The following DMRTC2 variants were observed in gnomAD, a reference collection of about 807,000 sequenced individuals.
The protein encoded by DMRTC2 is doublesex- and mab-3-related transcription factor C2.
In DMRTC2, 13 loss-of-function variants were observed where a neutral mutation model predicts 39.9. That is an observed-to-expected ratio of 0.33 (90% CI 0.21 to 0.52). The LOEUF (loss-of-function observed/expected upper bound fraction) is 0.52. Ranked by LOEUF, DMRTC2 falls within the 20% of genes least tolerant of loss-of-function variation. The probability of loss-of-function intolerance (pLI) is 0.96; values close to 1 mark genes in which losing one functional copy is unlikely to be tolerated. For synonymous variants in DMRTC2, 189 were observed against 185.2 expected (o/e 1.02, Z -0.17); for missense variants, 431 against 472.8 (o/e 0.91, Z 0.82).
chr19:41,845,538 A>C (rs2073813884), intron 1 of DMRTC2: 1 of 152,486 alleles, frequency 6.6e-6, no homozygotes, highest in Non-Finnish European at 1.5e-5. Flanking sequence ...AAAGTGGGGC[A>C]GGTGGCGGGT....
chr19:41,846,871 A>AC (rs1218081949), intron 1 of DMRTC2, among the ~76,000 whole-genome samples: 7 of 120,552 alleles, frequency 5.8e-5, no homozygotes, highest in Non-Finnish European at 2.0e-5. Context: ...CCGGCCTAAA[A>AC]ATTTTTAAAT....
intron 7 of DMRTC2, 66 bp downstream of exon 7, chr19:41,850,438 G>A: frequency 6.4e-7 from 1 of 1,569,106 alleles, no homozygotes; most frequent in Non-Finnish European, 8.6e-7. Flanking sequence ...GAAAAAGCAG[G>A]AAACTGAAGG....
At chr19:41,848,589 C>G (rs2073903832) in intron 4 of DMRTC2, 61 bp downstream of exon 4, 5 of 1,381,224 alleles carry the variant, frequency 3.6e-6, no homozygotes, top group Non-Finnish European at 4.0e-6. Context: ...CAGACCCTTT[C>G]TTCTGTGCCC....
At chr19:41,850,885 G>A (rs904403477) in intron 8 of DMRTC2, 185 bp downstream of exon 8, 30 of 562,846 alleles carry the variant, frequency 5.3e-5, no homozygotes, top group Non-Finnish European at 8.1e-5. Flanking sequence ...CTTTTTATCA[G>A]TTTGGCACTC....
At chr19:41,845,991 A>G (rs6509001) in intron 1 of DMRTC2, among the ~76,000 whole-genome samples, 61,988 of 151,616 alleles carry the variant, frequency 0.41, 14,744 homozygotes, top group Middle Eastern at 0.57. Flanking sequence ...CAGCCTGGGC[A>G]ACAGAGCGAG....
Position 41,847,861 on chromosome 19 carries a change from C to A in DMRTC2, c.350C>A (p.Thr117Asn). 1 of 1,586,512 alleles carries A rather than the reference C, an allele frequency of 6.3e-7. No homozygotes were observed. Among genetic ancestry groups the A allele is most frequent in the Non-Finnish European group, 8.6e-7 (1 of 1,165,754 alleles). ...GCTCCCAACCACTTCAGAAAGGGAACCACTCAGCCACAGGTCCCCTGTGAG... is the reference window on the plus strand; with the variant it reads ...GCTCCCAACCACTTCAGAAAGGGAAACACTCAGCCACAGGTCCCCTGTGAG... ...PKAPNHFRKG[T>N]TQPQVPSGKE... The change falls in exon 3 of 9, where the codon ACC becomes AAC. Residue 117 changes from threonine (T) to asparagine (N), a missense_variant. Coordinates refer to ENST00000269945, the MANE Select transcript of DMRTC2 (RefSeq NM_001040283.3).
chr19:41,846,443 C>T (rs1555835881), intron 1 of DMRTC2, among the ~76,000 whole-genome samples: 1 of 152,070 alleles, frequency 6.6e-6, no homozygotes, highest in East Asian at 1.9e-4. Flanking sequence ...CGCAGCAGCT[C>T]ATGCCTCTGA....
intron 1 of DMRTC2, among the ~76,000 whole-genome samples, chr19:41,846,886 AAAAG>A (rs1183721351): frequency 8.6e-5 from 13 of 151,834 alleles, no homozygotes; most frequent in Non-Finnish European, 1.5e-4. Context: ...TTAAATTAAA[AAAAG>A]GGGGGACGGG....
chr19:41,846,904 A>G (rs1444785831), intron 1 of DMRTC2, among the ~76,000 whole-genome samples: 2 of 150,380 alleles, frequency 1.3e-5, no homozygotes, highest in African/African-American at 4.9e-5. Flanking sequence ...GGACGGGTGC[A>G]GTGGCTCATG....
rs782213752 is a variant in DMRTC2, at chr19:41,847,529, G to C, written c.101G>C (p.Arg34Thr). ...DPQSTELIPRRAISRSPTCAR... is the reference protein window; with the variant it reads ...DPQSTELIPRTAISRSPTCAR... ...CAGAGCACAGAGCTGATCCCCAGGAGAGCCATCAGCCGCTCTCCAACCTGC... is the reference window on the plus strand; with the variant it reads ...CAGAGCACAGAGCTGATCCCCAGGACAGCCATCAGCCGCTCTCCAACCTGC... The change falls in exon 2 of 9, where the codon AGA (arginine) becomes ACA (threonine). Residue 34 changes from arginine (R) to threonine (T), a missense_variant. Physicochemically the swap from Arg to Thr is moderately conservative, Grantham distance 71 (BLOSUM62 -1). Coordinates refer to ENST00000269945, the MANE Select transcript of DMRTC2 (RefSeq NM_001040283.3). The C allele has an allele frequency of 6.2e-7, 1 of 1,614,194 alleles. No individual in the cohort carries two copies. The highest frequency in any genetic ancestry group is 1.1e-5 in the South Asian group (1 of 91,090).
chr19:41,849,382 C>T, intron 6 of DMRTC2, 126 bp downstream of exon 6: 1 of 1,362,946 alleles, frequency 7.3e-7, no homozygotes, highest in East Asian at 2.3e-5. Context: ...CAAGGCAGAG[C>T]TCTCCTAGTA....
intron 6 of DMRTC2, 51 bp downstream of exon 6, chr19:41,849,307 C>G: frequency 6.3e-7 from 1 of 1,597,294 alleles, no homozygotes; most frequent in South Asian, 1.1e-5. Context: ...TGTGCTGTGT[C>G]CAACCACAGT....
chr19:41,851,025 C>A, intron 8 of DMRTC2: 1 of 276,548 alleles, frequency 3.6e-6, no homozygotes, highest in Non-Finnish European at 6.8e-6. Context: ...CTGCTGAAGT[C>A]TGAAGTGGGG....
chr19:41,850,018 G>A (rs1555836953), intron 6 of DMRTC2, among the ~76,000 whole-genome samples: 2 of 151,926 alleles, frequency 1.3e-5, no homozygotes, highest in Non-Finnish European at 2.9e-5. Flanking sequence ...TCAAGCTTAT[G>A]GTGAGCCATG....
At position 41,849,168 on chromosome 19, in the gene DMRTC2, G is replaced by T. The variant is rs1299805353; in HGVS notation, c.667G>T (p.Gly223Trp). The part of the protein sequence containing the change: ...PGTSLQLPTH[G>W]PFTTCPGSHP... Reference sequence around the variant, plus strand: ...CACCTCCCTCCAGCTGCCCACTCATGGGCCCTTCACCACCTGCCCAGGATC... The same window carrying T: ...CACCTCCCTCCAGCTGCCCACTCATTGGCCCTTCACCACCTGCCCAGGATC... Residue 223 changes from glycine (G) to tryptophan (W), a missense_variant, in exon 6 of 9, where the codon GGG becomes TGG. Coordinates refer to ENST00000269945, the MANE Select transcript of DMRTC2 (RefSeq NM_001040283.3). 6.2e-7 allele frequency: 1 copy of T among 1,614,048 alleles called. No individual in the cohort carries two copies. Among genetic ancestry groups the T allele is most frequent in the African/African-American group, 1.3e-5 (1 of 74,912 alleles).
At position 41,850,342 on chromosome 19, in the gene DMRTC2, C is replaced by T; in HGVS notation, c.786C>T (p.Gly262=). Residue 262 remains glycine (G), a synonymous_variant, in exon 7 of 9, where the codon GGC becomes GGT. Transcript: ENST00000269945. ...CAACTCTGATACTCCAGCCCTGTGGCACCCCAGACCCTCTTCAGCTACAGC... is the reference window on the plus strand; with the variant it reads ...CAACTCTGATACTCCAGCCCTGTGGTACCCCAGACCCTCTTCAGCTACAGC... ...THSTLILQPC[G]TPDPLQLQPQ... is the part of the protein sequence containing the mutation. 2.0e-6 allele frequency: 3 copies of T among 1,510,810 alleles called. No homozygotes were observed. Among genetic ancestry groups the T allele is most frequent in the Non-Finnish European group, 2.7e-6 (3 of 1,130,886 alleles). 93.6% of individuals were successfully genotyped at this position (1,510,810 alleles called of 1,614,324 possible). A position where few individuals can be genotyped will look rare whatever the true frequency, so the allele number is the denominator to read the frequency against.
At chr19:41,846,817 T>G (rs2073861420) in intron 1 of DMRTC2, among the ~76,000 whole-genome samples, 1 of 151,936 alleles carries the variant, frequency 6.6e-6, no homozygotes. Flanking sequence ...TCCACCCGCC[T>G]TGGCCTCCCA....
At chr19:41,848,660 C>G in intron 4 of DMRTC2, 132 bp downstream of exon 4, 2 of 1,494,772 alleles carry the variant, frequency 1.3e-6, no homozygotes, top group African/African-American at 1.4e-5. Flanking sequence ...AATCACTGCT[C>G]TTCTCTAGGC....
chr19:41,847,495 A>G lies in DMRTC2; in HGVS notation c.67A>G (p.Arg23Gly). 1 of 1,613,066 alleles carries G rather than the reference A, an allele frequency of 6.2e-7. No homozygotes were observed. Among genetic ancestry groups the G allele is most frequent in the Non-Finnish European group, 8.5e-7 (1 of 1,179,510 alleles). The change falls in exon 2 of 9, where the codon AGA becomes GGA. Residue 23 changes from arginine (R) to glycine (G), a missense_variant. By Grantham distance (125) the Arg-to-Gly change is moderately radical. Coordinates refer to ENST00000269945, the MANE Select transcript of DMRTC2 (RefSeq NM_001040283.3). ...AGACTCTGCCCCCTGGGATGAGACCAGAGACCCCCAGAGCACAGAGCTGAT... is the reference window on the plus strand; with the variant it reads ...AGACTCTGCCCCCTGGGATGAGACCGGAGACCCCCAGAGCACAGAGCTGAT... ...PLDSAPWDET[R>G]DPQSTELIPR...
Sources: gnomAD v4.1 joint callset for allele counts (sites outside exome capture counted in the v4.1 genomes callset) on GRCh38, gnomAD v4.1.1 for gene constraint, MANE v1.5 for transcripts, NCBI Gene and HGNC (gene_info 2026-07-23, HGNC 2026-07-21) for gene names.